The following HSF5 variants were observed in gnomAD, a reference collection of about 807,000 sequenced individuals.
HSF5 encodes heat shock transcription factor 5, also known as heat shock factor protein 5.
In HSF5, 5 loss-of-function variants were observed where a neutral mutation model predicts 50.8. The observed-to-expected ratio is 0.10, with a 90% CI of 0.05 to 0.21. The LOEUF (loss-of-function observed/expected upper bound fraction) is 0.21, where lower values mean the gene tolerates loss of function less well. Ranked by LOEUF, HSF5 falls within the 10% of genes least tolerant of loss-of-function variation. The probability of loss-of-function intolerance (pLI) is 1.00; values close to 1 mark genes in which losing one functional copy is unlikely to be tolerated. For synonymous variants in HSF5, 307 were observed against 307.4 expected (o/e 1.00, Z 0.02); for missense variants, 564 against 762.6 (o/e 0.74, Z 3.07).
intron 2 of HSF5, among the ~76,000 whole-genome samples, chr17:58,478,410 G>T (rs1250169502): frequency 6.7e-6 from 1 of 148,184 alleles, no homozygotes; most frequent in Non-Finnish European, 1.5e-5. Context: ...CAAGGAGGTG[G>T]AGGTTGCAGT....
intron 5 of HSF5, among the ~76,000 whole-genome samples, chr17:58,449,310 A>G (rs1443990255): frequency 6.6e-6 from 1 of 152,250 alleles, no homozygotes; most frequent in African/African-American, 2.4e-5. Flanking sequence ...TAAATGGACT[A>G]AATTCTCCAA....
intron 2 of HSF5, among the ~76,000 whole-genome samples, chr17:58,475,568 C>G (rs1027782517): frequency 6.6e-5 from 10 of 152,098 alleles, no homozygotes; most frequent in African/African-American, 2.4e-4. Flanking sequence ...ATTAAACATG[C>G]AAAAAGAGAA....
At chr17:58,445,432 C>T (rs1974547968) in intron 5 of HSF5, among the ~76,000 whole-genome samples, 1 of 152,184 alleles carries the variant, frequency 6.6e-6, no homozygotes, top group African/African-American at 2.4e-5. Flanking sequence ...AAAAACAAAA[C>T]AGATATTTCC....
intron 2 of HSF5, among the ~76,000 whole-genome samples, chr17:58,469,263 C>T (rs1263270021): frequency 2.0e-5 from 3 of 152,024 alleles, no homozygotes; most frequent in African/African-American, 4.8e-5. Flanking sequence ...CTTTATTGTT[C>T]GGAAGTTTCT....
chr17:58,449,139 T>A (rs1974600898), intron 5 of HSF5, among the ~76,000 whole-genome samples: 1 of 152,004 alleles, frequency 6.6e-6, no homozygotes, highest in South Asian at 2.1e-4. Context: ...CCATAACTGA[T>A]ACACTAAAAA....
chr17:58,455,800 T>C (rs1974702773), intron 5 of HSF5, among the ~76,000 whole-genome samples: 1 of 151,950 alleles, frequency 6.6e-6, no homozygotes, highest in South Asian at 2.1e-4. Flanking sequence ...TCACCCCAGT[T>C]AAAATGGCTA....
Position 58,488,062 on chromosome 17 carries a change from G to A in HSF5, c.213C>T (p.Leu71=). ...AGCTGGTGAAGCTGGTGGTTTTGAAGAGCTCGGGCTCGGCCCCGGCCCCCG... is the reference window on the plus strand; with the variant it reads ...AGCTGGTGAAGCTGGTGGTTTTGAAAAGCTCGGGCTCGGCCCCGGCCCCCG... ...GTAGAGAEPE[L]FKTTSFTSFI... is the part of the protein sequence containing the mutation. Residue 71 remains leucine, a synonymous_variant, in exon 1 of 6, where the codon CTC becomes CTT. Transcript: ENST00000323777. This position sits in a 1 kb window ranked among gnomAD's most constrained non-coding sequence, Gnocchi z 4.1. 2 of 1,597,682 alleles carry A rather than the reference G, an allele frequency of 1.3e-6. No individual in the cohort carries two copies. The highest frequency in any genetic ancestry group is 1.7e-4 in the Middle Eastern group (1 of 5,780).
chr17:58,462,304 CAAGTTACAGTTCAATGATGCTGTA>C (rs1974805275), intron 4 of HSF5, among the ~76,000 whole-genome samples: 2 of 152,182 alleles, frequency 1.3e-5, no homozygotes, highest in African/African-American at 4.8e-5. Context: ...AGTATGCTCA[CAAGTTACAGTTCAATGATGCTGTA>C]ATAAAGTTAG....
chr17:58,484,591 GAA>G (rs35856760), intron 1 of HSF5, among the ~76,000 whole-genome samples: 6 of 148,026 alleles, frequency 4.1e-5, no homozygotes, highest in South Asian at 2.1e-4. Flanking sequence ...CATGCAACCT[GAA>G]AAAAAAAAAA....
chr17:58,465,068 C>T (rs1974842868), intron 3 of HSF5, among the ~76,000 whole-genome samples: 1 of 151,446 alleles, frequency 6.6e-6, no homozygotes. Flanking sequence ...ATCCTCCCAC[C>T]TCAGCCTCCC....
chr17:58,465,637 AAG>A (rs2143786631), intron 3 of HSF5, among the ~76,000 whole-genome samples: 1 of 152,082 alleles, frequency 6.6e-6, no homozygotes, highest in Admixed American at 6.6e-5. Flanking sequence ...AAAAAAAAAA[AAG>A]GGAATGTTCT....
At chr17:58,459,790 A>G (rs1464869707) in intron 4 of HSF5, among the ~76,000 whole-genome samples, 2 of 152,080 alleles carry the variant, frequency 1.3e-5, no homozygotes, top group African/African-American at 4.8e-5. Flanking sequence ...CCTGACCAAA[A>G]GTAAGATAGT....
At chr17:58,467,391 T>A (rs1248592881) in intron 2 of HSF5, among the ~76,000 whole-genome samples, 1 of 152,206 alleles carries the variant, frequency 6.6e-6, no homozygotes, top group Non-Finnish European at 1.5e-5. Flanking sequence ...GTAAAATAAC[T>A]ATGAAGTATT....
Position 58,488,161 on chromosome 17 carries a change from C to G in HSF5, c.114G>C (p.Gly38=), listed in dbSNP as rs1975220041. 1.3e-6 allele frequency: 2 copies of G among 1,534,228 alleles called. No homozygotes were observed. Among genetic ancestry groups the G allele is most frequent in the Non-Finnish European group, 8.7e-7 (1 of 1,153,756 alleles). ...RSIRWDGRGE[G]LLIDQPLFEA... Reference sequence around the variant, plus strand: ...CGAAGAGCGGCTGATCGATAAGCAGCCCCTCGCCGCGGCCGTCCCAGCGGA... The same window carrying G: ...CGAAGAGCGGCTGATCGATAAGCAGGCCCTCGCCGCGGCCGTCCCAGCGGA... Residue 38 remains glycine (G), a synonymous_variant, in exon 1 of 6, where the codon GGG becomes GGC. Transcript: ENST00000323777. The surrounding 1 kb of genome is among the most constrained non-coding windows in gnomAD (Gnocchi z 4.1).
rs372052994 is a variant in HSF5, at chr17:58,467,452, A to T, written c.926-473T>A. On this transcript the variant is annotated intron_variant, in intron 2 of 5. Coordinates refer to ENST00000323777, the MANE Select transcript of HSF5 (RefSeq NM_001080439.3). The stretch of plus-strand genomic sequence containing the variant: ...TGCATCCAGTAGAAATGTACACAAA[A>T]ATGTTTTAATAATTTAGGCAAGTGG... 1.6e-4 allele frequency among the ~76,000 whole-genome samples: 24 copies of T among 152,340 alleles called. 1 individual carries two copies. In the East Asian group the frequency reaches 3.3e-3, roughly 21 times the overall value.
chr17:58,448,793 A>T (rs1412894501), intron 5 of HSF5, among the ~76,000 whole-genome samples: 1 of 152,252 alleles, frequency 6.6e-6, no homozygotes. Context: ...ATACAGAGAC[A>T]TTCAGAATAC....
chr17:58,445,998 T>C (rs1974556589), intron 5 of HSF5, among the ~76,000 whole-genome samples: 1 of 151,426 alleles, frequency 6.6e-6, no homozygotes, highest in Non-Finnish European at 1.5e-5. Context: ...ATTAGCCAGG[T>C]ATGGTGGCAG....
chr17:58,470,204 G>A (rs1303724274), intron 2 of HSF5, among the ~76,000 whole-genome samples: 1 of 152,114 alleles, frequency 6.6e-6, no homozygotes, highest in African/African-American at 2.4e-5. Flanking sequence ...CATTTGAAAA[G>A]GTATCTGTAC....
chr17:58,471,919 T>C (rs1470632121), intron 2 of HSF5, among the ~76,000 whole-genome samples: 1 of 152,172 alleles, frequency 6.6e-6, no homozygotes, highest in African/African-American at 2.4e-5. Flanking sequence ...AGTGGCGCGA[T>C]CTCAGCTCAC....
Sources: allele counts gnomAD v4.1 joint callset (sites outside exome capture counted in the v4.1 genomes callset), GRCh38; gene constraint gnomAD v4.1.1; non-coding constraint Gnocchi (gnomAD v3.1); transcripts MANE v1.5; gene names NCBI Gene and HGNC (gene_info 2026-07-23, HGNC 2026-07-21).